FAM124B: variants seen among roughly 807,000 people sequenced by gnomAD.
The protein encoded by FAM124B is family with sequence similarity 124 member B.
A neutral mutation model predicts 19.7 loss-of-function variants in FAM124B; 18 were observed. The ratio of observed to expected loss-of-function variants is 0.92; its 90% confidence interval spans 0.63 to 1.36. FAM124B has a LOEUF of 1.36. FAM124B is among the 40% of genes most tolerant of loss of function. FAM124B has a pLI of 0.00. For missense variants in FAM124B, 540 were observed against 553.3 expected, an observed-to-expected ratio of 0.98 and a Z score of 0.24; for synonymous variants, 223 against 225.2, an observed-to-expected ratio of 0.99 and a Z score of 0.09.
chr2:224,401,853 G>GCCTTCAGCCCGCCTGAAAA lies in FAM124B; in HGVS notation c.-104_-86dup. ...CTGAAATGAATGAAGAAGCGGCCCA[G>GCCTTCAGCCCGCCTGAAAA]CCTTCAGCCCGCCTGAAAACCTTCA... On this transcript the variant is annotated 5_prime_UTR_variant, in exon 1 of 2. Coordinates refer to ENST00000409685, the MANE Select transcript of FAM124B (RefSeq NM_001122779.2). 1.4e-6 allele frequency: 2 copies of GCCTTCAGCCCGCCTGAAAA among 1,479,516 alleles called. No individual in the cohort carries two copies. The highest frequency in any genetic ancestry group is 1.3e-5 in the South Asian group (1 of 74,152). 91.6% of individuals were successfully genotyped at this position (1,479,516 alleles called of 1,614,324 possible).
intron 1 of FAM124B, among the ~76,000 whole-genome samples, chr2:224,399,346 C>T (rs1385330627): frequency 6.6e-6 from 1 of 152,190 alleles, no homozygotes; most frequent in African/African-American, 2.4e-5. Context: ...AGGCAACTAA[C>T]AGAAACAGTG....
chr2:224,388,321 C>T (rs950694018), intron 1 of FAM124B, among the ~76,000 whole-genome samples: 8 of 152,142 alleles, frequency 5.3e-5, no homozygotes, highest in Non-Finnish European at 1.2e-4. Context: ...AAATGAAAGG[C>T]ATCCTTGGAT....
intron 1 of FAM124B, among the ~76,000 whole-genome samples, chr2:224,392,498 T>C (rs1689903659): frequency 6.6e-6 from 1 of 152,124 alleles, no homozygotes; most frequent in South Asian, 2.1e-4. Context: ...CTCATGCCTG[T>C]AATCCCAGCA....
At chr2:224,383,115 C>T (rs915547576) in intron 1 of FAM124B, among the ~76,000 whole-genome samples, 2 of 152,122 alleles carry the variant, frequency 1.3e-5, no homozygotes, top group South Asian at 2.1e-4. Flanking sequence ...AACTTTGCTG[C>T]ACAAGGGAAC....
intron 1 of FAM124B, among the ~76,000 whole-genome samples, chr2:224,381,608 T>G (rs910658728): frequency 6.6e-6 from 1 of 152,166 alleles, no homozygotes; most frequent in Non-Finnish European, 1.5e-5. Flanking sequence ...TAATGGTGGA[T>G]GCACATCCTT....
intron 1 of FAM124B, among the ~76,000 whole-genome samples, chr2:224,397,051 CCT>C (rs1424882938): frequency 1.2e-4 from 18 of 151,250 alleles, no homozygotes; most frequent in African/African-American, 4.4e-4. Flanking sequence ...TCTCTTCTCT[CCT>C]CTTTTCTTCT....
chr2:224,392,675 A>C (rs898055531), intron 1 of FAM124B, among the ~76,000 whole-genome samples: 6 of 151,746 alleles, frequency 4.0e-5, no homozygotes, highest in South Asian at 2.1e-4. Context: ...GGATAGCTTG[A>C]GCCTGGGAGA....
intron 1 of FAM124B, among the ~76,000 whole-genome samples, chr2:224,382,390 T>A (rs1689735730): frequency 6.6e-6 from 1 of 150,580 alleles, no homozygotes; most frequent in Admixed American, 6.6e-5. Flanking sequence ...CTATTCTAGA[T>A]CAATGATTCC....
At chr2:224,390,824 C>T (rs565033722) in intron 1 of FAM124B, among the ~76,000 whole-genome samples, 69 of 150,122 alleles carry the variant, frequency 4.6e-4, no homozygotes, top group Non-Finnish European at 7.5e-4. Context: ...CCTCAGCCTC[C>T]CGAGTAGCTG....
chr2:224,391,965 T>G (rs1689894945), intron 1 of FAM124B, among the ~76,000 whole-genome samples: 1 of 152,228 alleles, frequency 6.6e-6, no homozygotes. Context: ...GTCAAATATT[T>G]TTGGAACTTT....
Position 224,379,358 on chromosome 2 carries a change from G to A in FAM124B, c.*215C>T. 1 of 653,526 alleles carries A rather than the reference G, an allele frequency of 1.5e-6. No homozygotes were observed. Among genetic ancestry groups the A allele is most frequent in the Non-Finnish European group, 2.4e-6 (1 of 419,366 alleles). The allele number at this position is 653,526 out of a possible 1,614,324, so 40.5% of individuals were successfully genotyped here. Reference sequence around the variant, plus strand: ...AAGCATTCGGTTTTTTTCCCTGTGTGTTGGCTGTGTTCTCTTATGACTGTG... The same window carrying A: ...AAGCATTCGGTTTTTTTCCCTGTGTATTGGCTGTGTTCTCTTATGACTGTG... On this transcript the variant is annotated 3_prime_UTR_variant, in exon 2 of 2. Transcript: ENST00000409685.
chr2:224,395,305 G>A (rs1235218498), intron 1 of FAM124B, among the ~76,000 whole-genome samples: 2 of 152,176 alleles, frequency 1.3e-5, no homozygotes, highest in Admixed American at 6.5e-5. Context: ...TTGGACACGG[G>A]TCTCAGCTGT....
At position 224,387,545 on chromosome 2, in the gene FAM124B, T is replaced by G. The variant is rs562420295; in HGVS notation, c.733-7337A>C. 1.1e-4 allele frequency among the ~76,000 whole-genome samples: 17 copies of G among 152,356 alleles called. No homozygotes were observed. In the East Asian group the frequency reaches 3.3e-3, roughly 29 times the overall value. The stretch of plus-strand genomic sequence containing the variant: ...CACTTAAGAGTTGAAACCAGACTTT[T>G]GCAATTAACTGATCCTTTGAAAGGT... On this transcript the variant is annotated intron_variant, in intron 1 of 1. Coordinates refer to ENST00000409685, the MANE Select transcript of FAM124B (RefSeq NM_001122779.2).
At chr2:224,392,745 A>G (rs1485385711) in intron 1 of FAM124B, among the ~76,000 whole-genome samples, 2 of 151,060 alleles carry the variant, frequency 1.3e-5, no homozygotes, top group Non-Finnish European at 2.9e-5. Context: ...ACAGACCAAG[A>G]CTCTGTCTCA....
intron 1 of FAM124B, among the ~76,000 whole-genome samples, chr2:224,390,106 C>T (rs1177072966): frequency 7.4e-6 from 1 of 134,802 alleles, no homozygotes; most frequent in Non-Finnish European, 1.5e-5. Flanking sequence ...ACAGTTGAGT[C>T]TTTGAAATAC....
rs940852691 is a variant in FAM124B at position 224,379,444 on chromosome 2, T to C, written c.*129A>G. On this transcript the variant is annotated 3_prime_UTR_variant, in exon 2 of 2. Transcript: ENST00000409685. ...CTTTGAACATTTGAAATAAAATCAA[T>C]ACAGATTGTGCATGGGGAGCATTCA... 7.3e-6 allele frequency: 9 copies of C among 1,229,108 alleles called. No homozygotes were observed. Among genetic ancestry groups the C allele is most frequent in the Non-Finnish European group, 9.9e-6 (9 of 911,602 alleles). 76.1% of individuals were successfully genotyped at this position (1,229,108 alleles called of 1,614,324 possible).
Position 224,401,594 on chromosome 2 carries a change from A to T in FAM124B, c.175T>A (p.Ser59Thr). 1 of 1,614,094 alleles carries T rather than the reference A, an allele frequency of 6.2e-7. No homozygotes were observed. The highest frequency in any genetic ancestry group is 8.5e-7 in the Non-Finnish European group (1 of 1,179,982). Residue 59 changes from serine (S) to threonine (T), a missense_variant, in exon 1 of 2, where the codon TCC becomes ACC. Physicochemically the swap from Ser to Thr is moderately conservative, Grantham distance 58. Transcript: ENST00000409685. ...SPVKYCEKSH[S>T]KRSRFPGMSV... is the part of the protein sequence containing the mutation. The stretch of plus-strand genomic sequence containing the variant: ...ATCCCTGGAAACCGGGACCGCTTGG[A>T]ATGGGACTTTTCACAGTATTTCACA...
intron 1 of FAM124B, among the ~76,000 whole-genome samples, chr2:224,385,200 C>T (rs1230347666): frequency 6.6e-6 from 1 of 152,178 alleles, no homozygotes; most frequent in Non-Finnish European, 1.5e-5. Flanking sequence ...GTAATTCCCT[C>T]CTACCACTCC....
intron 1 of FAM124B, among the ~76,000 whole-genome samples, chr2:224,398,375 G>C (rs1048862200): frequency 6.6e-6 from 1 of 152,102 alleles, no homozygotes; most frequent in Non-Finnish European, 1.5e-5. Flanking sequence ...TAGTATTACA[G>C]GCCTGAGCCA....
Sources: allele counts gnomAD v4.1 joint callset (sites outside exome capture counted in the v4.1 genomes callset), GRCh38; gene constraint gnomAD v4.1.1; transcripts MANE v1.5; gene names NCBI Gene and HGNC (gene_info 2026-07-23, HGNC 2026-07-21).